BMAL1: variants seen among roughly 807,000 people sequenced by gnomAD.
The protein encoded by BMAL1 is basic helix-loop-helix ARNT like 1, also known as basic helix-loop-helix ARNT-like protein 1.
the BMAL1 span, among the ~76,000 whole-genome samples, chr11:13,331,665 G>A: frequency 1.6e-4 from 24 of 152,264 alleles, no homozygotes; most frequent in Admixed American, 1.6e-3. Flanking sequence ...GATCATGGTG[G>A]GTTTTTTCTG....
chr11:13,353,574 T>C, the BMAL1 span: 1 of 152,198 alleles, frequency 6.6e-6, no homozygotes, highest in Non-Finnish European at 1.5e-5. Context: ...TCTCAGCACT[T>C]TGGGAGGCTG....
the BMAL1 span, chr11:13,381,188 T>C: frequency 6.2e-7 from 1 of 1,614,204 alleles, no homozygotes; most frequent in Middle Eastern, 1.7e-4. Flanking sequence ...CTTCTAGCTG[T>C]GGCTCCAGCC....
At chr11:13,358,802 A>G in the BMAL1 span, among the ~76,000 whole-genome samples, 1 of 152,252 alleles carries the variant, frequency 6.6e-6, no homozygotes, top group Non-Finnish European at 1.5e-5. Context: ...GCAGTCACAC[A>G]TTCTCAGAGC....
the BMAL1 span, among the ~76,000 whole-genome samples, chr11:13,295,690 CCATGTTTTTTAAAGAA>C: frequency 6.6e-6 from 1 of 152,190 alleles, no homozygotes; most frequent in East Asian, 1.9e-4. Flanking sequence ...AGGTGAATAG[CCATGTTTTTTAAAGAA>C]CACGGAGCAA....
chr11:13,321,711 A>G, the BMAL1 span, among the ~76,000 whole-genome samples: 1 of 152,138 alleles, frequency 6.6e-6, no homozygotes, highest in African/African-American at 2.4e-5. Flanking sequence ...GTCATAATTG[A>G]CAAAAAACAC....
chr11:13,346,822 C>G, the BMAL1 span, among the ~76,000 whole-genome samples: 4 of 152,168 alleles, frequency 2.6e-5, no homozygotes, highest in Middle Eastern at 3.2e-3. Flanking sequence ...TAGGCTCTCC[C>G]CAAAGCATCC....
chr11:13,290,932 T>C, the BMAL1 span, among the ~76,000 whole-genome samples: 1 of 152,194 alleles, frequency 6.6e-6, no homozygotes, highest in Admixed American at 6.5e-5. Context: ...ACACAGAGGC[T>C]CAGCTCAGCA....
chr11:13,380,728 A>C, the BMAL1 span: 1 of 160,172 alleles, frequency 6.2e-6, no homozygotes, highest in East Asian at 1.8e-4. Context: ...ATGGAGGTTG[A>C]TCTTAGAAGT....
chr11:13,285,340 A>G, the BMAL1 span, among the ~76,000 whole-genome samples: 1 of 152,318 alleles, frequency 6.6e-6, no homozygotes, highest in East Asian at 1.9e-4. Context: ...TGTTGTGGGC[A>G]CTGAGGATAC....
chr11:13,378,295 C>T, the BMAL1 span: 3 of 1,540,018 alleles, frequency 1.9e-6, no homozygotes, highest in East Asian at 2.4e-5. Flanking sequence ...GTATTTCTTC[C>T]TCAGTTTTCC....
At chr11:13,369,103 T>C in the BMAL1 span, among the ~76,000 whole-genome samples, 7 of 152,184 alleles carry the variant, frequency 4.6e-5, no homozygotes, top group Non-Finnish European at 8.8e-5. Flanking sequence ...TGTAGGTTGA[T>C]CATGCATCCA....
chr11:13,358,430 T>G, the BMAL1 span: 9 of 1,570,878 alleles, frequency 5.7e-6, no homozygotes, highest in Non-Finnish European at 7.8e-6. Flanking sequence ...ATATTGTTGT[T>G]CAGGGAAGCT....
chr11:13,344,150 C>T, the BMAL1 span, among the ~76,000 whole-genome samples: 1 of 152,198 alleles, frequency 6.6e-6, no homozygotes, highest in Non-Finnish European at 1.5e-5. Context: ...TGCAACACCT[C>T]ATAAGACCTC....
the BMAL1 span, chr11:13,374,349 G>A: frequency 2.9e-6 from 2 of 700,050 alleles, no homozygotes; most frequent in Non-Finnish European, 4.8e-6. Flanking sequence ...GTGTGAAGAG[G>A]AAGCTGATAC....
chr11:13,325,921 G>A, the BMAL1 span, among the ~76,000 whole-genome samples: 1 of 151,720 alleles, frequency 6.6e-6, no homozygotes, highest in African/African-American at 2.4e-5. Flanking sequence ...AGTAGAACAA[G>A]GGGCCGGGGG....
At chr11:13,320,965 A>G in the BMAL1 span, among the ~76,000 whole-genome samples, 1 of 152,240 alleles carries the variant, frequency 6.6e-6, no homozygotes, top group Non-Finnish European at 1.5e-5. Flanking sequence ...AATAATAAAT[A>G]TACGGCTGTA....
chr11:13,354,197 C>T, the BMAL1 span: 1 of 741,104 alleles, frequency 1.3e-6, no homozygotes, highest in Non-Finnish European at 2.1e-6. Context: ...GTCTCCCCCC[C>T]CGGCCCCCCA....
chr11:13,358,466 G>A, the BMAL1 span: 1 of 1,606,310 alleles, frequency 6.2e-7, no homozygotes, highest in Non-Finnish European at 8.5e-7. Context: ...AAGCGGCGTC[G>A]GGATAAAATG....
the BMAL1 span, among the ~76,000 whole-genome samples, chr11:13,327,072 A>G: frequency 2.6e-5 from 4 of 151,630 alleles, no homozygotes; most frequent in South Asian, 2.1e-4. Context: ...CACCCCCCTC[A>G]GCCTCCCAAA....
Sources: gnomAD v4.1 joint callset for allele counts (sites outside exome capture counted in the v4.1 genomes callset) on GRCh38, gnomAD v4.1.1 for gene constraint, MANE v1.5 for transcripts, NCBI Gene and HGNC (gene_info 2026-07-23, HGNC 2026-07-21) for gene names.